GRK5: variants seen among roughly 807,000 people sequenced by gnomAD.
GRK5 encodes the protein G protein-coupled receptor kinase 5.
In GRK5, 40 loss-of-function variants were observed where a neutral mutation model predicts 78.4. The observed-to-expected ratio is 0.51, with a 90% confidence interval of 0.40 to 0.66. The LOEUF (loss-of-function observed/expected upper bound fraction) is 0.66, where lower values mean the gene tolerates loss of function less well. Among genes scored for constraint, GRK5 ranks in the 30% least tolerant of loss-of-function variants. The probability of loss-of-function intolerance (pLI) is 0.00; values close to 1 mark genes in which losing one functional copy is unlikely to be tolerated. For missense variants in GRK5, 598 were observed against 759.9 expected (o/e 0.79, Z 2.50); for synonymous variants, 289 against 296.8 (o/e 0.97, Z 0.27).
intron 1 of GRK5, among the ~76,000 whole-genome samples, chr10:119,266,163 C>G (rs894736689): frequency 6.6e-6 from 1 of 152,114 alleles, no homozygotes; most frequent in African/African-American, 2.4e-5. Flanking sequence ...ATTTTAGGAA[C>G]GATGCTGGCT....
At chr10:119,344,410 A>G (rs944628423) in intron 2 of GRK5, among the ~76,000 whole-genome samples, 3 of 152,148 alleles carry the variant, frequency 2.0e-5, no homozygotes, top group African/African-American at 7.2e-5. Context: ...ATTCCCACCT[A>G]TGAGTGAGAA....
chr10:119,259,416 A>G (rs1331486700), intron 1 of GRK5, among the ~76,000 whole-genome samples: 2 of 152,216 alleles, frequency 1.3e-5, no homozygotes, highest in Non-Finnish European at 2.9e-5. Context: ...CCTTTTCTGC[A>G]TCATACTTTC....
intron 1 of GRK5, among the ~76,000 whole-genome samples, chr10:119,283,963 G>A (rs1849805294): frequency 6.6e-6 from 1 of 152,220 alleles, no homozygotes; most frequent in Non-Finnish European, 1.5e-5. Context: ...TGTGGTAACT[G>A]CACATCTGTC....
At chr10:119,387,200 C>T (rs559753137) in intron 3 of GRK5, among the ~76,000 whole-genome samples, 7 of 152,200 alleles carry the variant, frequency 4.6e-5, no homozygotes, top group South Asian at 2.1e-4. Flanking sequence ...GATGGGGTTT[C>T]GCCATGTTGG....
intron 4 of GRK5, among the ~76,000 whole-genome samples, chr10:119,419,424 AG>A (rs1852527038): frequency 6.6e-6 from 1 of 152,218 alleles, no homozygotes; most frequent in South Asian, 2.1e-4. Context: ...CCCTTCTGGC[AG>A]GTTTGGGCTT....
intron 1 of GRK5, among the ~76,000 whole-genome samples, chr10:119,286,386 G>GTT (rs1849847148): frequency 6.6e-6 from 1 of 152,220 alleles, no homozygotes; most frequent in Non-Finnish European, 1.5e-5. Flanking sequence ...GAAAAAGAGT[G>GTT]TTTTTGTATG....
chr10:119,332,638 C>T (rs951969328), intron 2 of GRK5, among the ~76,000 whole-genome samples: 1 of 152,192 alleles, frequency 6.6e-6, no homozygotes, highest in Non-Finnish European at 1.5e-5. Flanking sequence ...TCTCTAAATC[C>T]TATCCATGGT....
chr10:119,411,685 T>C (rs537036522), intron 4 of GRK5, among the ~76,000 whole-genome samples: 1 of 152,234 alleles, frequency 6.6e-6, no homozygotes, highest in South Asian at 2.1e-4. Flanking sequence ...GTGACCTCAA[T>C]TTCCCGGAAG....
At chr10:119,308,657 C>T (rs1427311766) in intron 1 of GRK5, among the ~76,000 whole-genome samples, 2 of 152,366 alleles carry the variant, frequency 1.3e-5, no homozygotes, top group East Asian at 3.9e-4. Context: ...TTCTCCTGTG[C>T]CACGCGGTGG....
In GRK5 at chr10:119,238,096, C is replaced by G. The variant is rs910055342; in HGVS notation, c.52+30127C>G. Among the ~76,000 whole-genome samples, 1 of 152,078 alleles carries G rather than the reference C, an allele frequency of 6.6e-6. No individual in the cohort carries two copies. Among genetic ancestry groups the G allele is most frequent in the African/African-American group, 2.4e-5 (1 of 41,394 alleles). On this transcript the variant is annotated intron_variant, in intron 1 of 15. Coordinates refer to ENST00000392870, the MANE Select transcript of GRK5 (RefSeq NM_005308.3). The surrounding 1 kb of genome is among the most constrained non-coding windows in gnomAD (Gnocchi z 4.7). ...GAGGAAGGAGGTTGCTTTCTGTGTG[C>G]GTGTTTTTCTGTTTCATGTCCTGAC...
At chr10:119,303,347 A>G (rs1850216549) in intron 1 of GRK5, among the ~76,000 whole-genome samples, 1 of 152,132 alleles carries the variant, frequency 6.6e-6, no homozygotes, top group African/African-American at 2.4e-5. Context: ...TGGAGGTGTT[A>G]CCTTAGATGG....
chr10:119,261,162 A>G (rs1393234545), intron 1 of GRK5, among the ~76,000 whole-genome samples: 11 of 137,240 alleles, frequency 8.0e-5, no homozygotes, highest in Admixed American at 4.5e-4. Context: ...CCGGGCGGAG[A>G]GGCTCCTCAC....
Position 119,455,780 on chromosome 10 carries a change from C to G in GRK5, c.*713C>G. The G allele has an allele frequency of 5.5e-6, 1 of 180,222 alleles. No homozygotes were observed. The highest frequency in any genetic ancestry group is 1.1e-5 in the Non-Finnish European group (1 of 87,666). The allele number at this position is 180,222 out of a possible 1,614,324, so 11.2% of individuals were successfully genotyped here. ...AGCCAGAATGTCCTCTCCTGGGGCC[C>G]TCGGAGTCGCCTAGGCTGAGCCCTT... On this transcript the variant is annotated 3_prime_UTR_variant, in exon 16 of 16. Coordinates refer to ENST00000392870, the MANE Select transcript of GRK5 (RefSeq NM_005308.3).
intron 2 of GRK5, among the ~76,000 whole-genome samples, chr10:119,366,320 T>C (rs914475774): frequency 6.6e-6 from 1 of 152,148 alleles, no homozygotes; most frequent in Non-Finnish European, 1.5e-5. Context: ...ACCTCATAAG[T>C]GTCCAGACTG....
Position 119,394,852 on chromosome 10 carries a change from C to T in GRK5, c.262-1843C>T, listed in dbSNP as rs1041646846. 1.1e-4 allele frequency among the ~76,000 whole-genome samples: 16 copies of T among 147,752 alleles called. 1 individual carries two copies. Among genetic ancestry groups the T allele is most frequent in the African/African-American group, 3.9e-4 (15 of 38,834 alleles). On this transcript the variant is annotated intron_variant, in intron 3 of 15. Coordinates refer to ENST00000392870, the MANE Select transcript of GRK5 (RefSeq NM_005308.3). ...CTGTGTCTGTGGGCACGTGTGTGTG[C>T]ACACATGTGCACTCAGGTTTAGGAG...
At chr10:119,405,997 A>T (rs1340589540) in intron 4 of GRK5, among the ~76,000 whole-genome samples, 2 of 152,150 alleles carry the variant, frequency 1.3e-5, no homozygotes, top group Admixed American at 1.3e-4. Flanking sequence ...CAAGCTAGAT[A>T]CTCTATTGTC....
chr10:119,320,830 C>T (rs1045745625), intron 1 of GRK5, among the ~76,000 whole-genome samples: 4 of 152,124 alleles, frequency 2.6e-5, no homozygotes, highest in African/African-American at 9.7e-5. Context: ...GACCTGAGCA[C>T]GGGGGAGGTG....
At chr10:119,375,577 C>T (rs1564909899) in intron 2 of GRK5, among the ~76,000 whole-genome samples, 2 of 152,214 alleles carry the variant, frequency 1.3e-5, no homozygotes, top group African/African-American at 2.4e-5. Context: ...GTGCCTCCCT[C>T]TCACACTGGC....
intron 2 of GRK5, among the ~76,000 whole-genome samples, chr10:119,375,171 G>T (rs530697576): frequency 1.3e-5 from 2 of 152,150 alleles, no homozygotes; most frequent in East Asian, 1.9e-4. Flanking sequence ...TCCTATGGTG[G>T]TCTCAGACCT....
Sources: gnomAD v4.1 joint callset for allele counts (sites outside exome capture counted in the v4.1 genomes callset) on GRCh38, gnomAD v4.1.1 for gene constraint, Gnocchi (gnomAD v3.1) non-coding constraint, MANE v1.5 for transcripts, NCBI Gene and HGNC (gene_info 2026-07-23, HGNC 2026-07-21) for gene names.